The following LRRC4C variants were observed in gnomAD, a reference collection of about 807,000 sequenced individuals.
The protein encoded by LRRC4C is leucine rich repeat containing 4C, also known as leucine-rich repeat-containing protein 4C.
Under a neutral mutation model 33.6 loss-of-function variants are expected in LRRC4C, and 5 were observed. The ratio of observed to expected loss-of-function variants is 0.15; its 90% CI spans 0.08 to 0.31. The LOEUF is 0.31. Ranked by LOEUF, LRRC4C falls within the 10% of genes least tolerant of loss-of-function variation. LRRC4C has a pLI of 1.00. For missense variants in LRRC4C, 560 were observed against 796.7 expected (o/e 0.70, Z 3.58); for synonymous variants, 329 against 302.0 (o/e 1.09, Z -0.93).
intron 2 of LRRC4C, among the ~76,000 whole-genome samples, chr11:40,822,338 G>C (rs1261030419): frequency 1.3e-5 from 2 of 149,892 alleles, no homozygotes; most frequent in Non-Finnish European, 3.0e-5. Context: ...TTTGATTCTA[G>C]GTTTTTTTTT....
intron 3 of LRRC4C, among the ~76,000 whole-genome samples, chr11:40,555,261 G>A (rs184022925): frequency 2.6e-5 from 4 of 152,184 alleles, no homozygotes; most frequent in Admixed American, 2.6e-4. Flanking sequence ...CGATGTCCAG[G>A]CTGCCAGTGA....
intron 2 of LRRC4C, among the ~76,000 whole-genome samples, chr11:40,925,147 T>TCTCTC: frequency 9.3e-6 from 1 of 107,378 alleles, no homozygotes. Flanking sequence ...CTCTCTCTCT[T>TCTCTC]TCCTGTGTAT....
intron 1 of LRRC4C, among the ~76,000 whole-genome samples, chr11:41,350,642 G>T (rs184767403): frequency 6.6e-6 from 1 of 152,214 alleles, no homozygotes; most frequent in African/African-American, 2.4e-5. Context: ...AGACTGAAAT[G>T]GTTGAAATGA....
chr11:40,777,477 C>T (rs76817915), intron 2 of LRRC4C, among the ~76,000 whole-genome samples: 4,969 of 144,194 alleles, frequency 0.034, 103 homozygotes, highest in Non-Finnish European at 0.05. Flanking sequence ...TTATATAATA[C>T]CATTCTTTGT....
At chr11:40,503,304 AG>A (rs1242721483) in intron 3 of LRRC4C, among the ~76,000 whole-genome samples, 4 of 152,198 alleles carry the variant, frequency 2.6e-5, no homozygotes, top group Non-Finnish European at 5.9e-5. Flanking sequence ...CATCTAACAC[AG>A]TGTTCATGCT....
chr11:40,289,080 T>C (rs143741510), intron 4 of LRRC4C, among the ~76,000 whole-genome samples: 53 of 152,284 alleles, frequency 3.5e-4, no homozygotes, highest in Middle Eastern at 3.4e-3. Flanking sequence ...GCACTTTATA[T>C]CTAAAATAAT....
intron 2 of LRRC4C, among the ~76,000 whole-genome samples, chr11:40,815,849 A>T (rs777301922): frequency 2.6e-5 from 4 of 152,188 alleles, no homozygotes; most frequent in Non-Finnish European, 5.9e-5. Flanking sequence ...GTGCTATATG[A>T]TTATGTGTTC....
At chr11:41,075,027 T>TTTTTTTTTTTTC (rs764193977) in intron 1 of LRRC4C, among the ~76,000 whole-genome samples, 3 of 102,976 alleles carry the variant, frequency 2.9e-5, no homozygotes, top group Non-Finnish European at 5.7e-5. Context: ...TTTTTTTTTT[T>TTTTTTTTTTTTC]TTTTTTTTTA....
At chr11:40,398,863 CATT>C (rs1324215880) in intron 3 of LRRC4C, among the ~76,000 whole-genome samples, 1 of 152,190 alleles carries the variant, frequency 6.6e-6, no homozygotes, top group South Asian at 2.1e-4. Flanking sequence ...ACACTGTCAT[CATT>C]ATTATCAATG....
At chr11:40,244,733 G>GT (rs932328078) in intron 4 of LRRC4C, among the ~76,000 whole-genome samples, 45 of 148,302 alleles carry the variant, frequency 3.0e-4, no homozygotes, top group African/African-American at 5.2e-4. Flanking sequence ...TAAGGGGAAG[G>GT]TTTTTTTTTT....
chr11:41,368,744 A>T (rs964198260), intron 1 of LRRC4C, among the ~76,000 whole-genome samples: 1 of 152,216 alleles, frequency 6.6e-6, no homozygotes, highest in Non-Finnish European at 1.5e-5. Context: ...AAGGAGACTC[A>T]GTTACTTTCC....
intron 2 of LRRC4C, among the ~76,000 whole-genome samples, chr11:40,729,164 T>A (rs1228721268): frequency 6.6e-6 from 1 of 152,100 alleles, no homozygotes; most frequent in Non-Finnish European, 1.5e-5. Context: ...ATAAATAAAT[T>A]ATTGTAAAAA....
chr11:40,307,164 C>A (rs1378418099), intron 4 of LRRC4C, among the ~76,000 whole-genome samples: 1 of 151,694 alleles, frequency 6.6e-6, no homozygotes, highest in Non-Finnish European at 1.5e-5. Flanking sequence ...CACCTCCTCA[C>A]CCCCCATTAT....
intron 3 of LRRC4C, among the ~76,000 whole-genome samples, chr11:40,570,532 T>C (rs1358216981): frequency 1.3e-5 from 2 of 152,196 alleles, no homozygotes; most frequent in African/African-American, 4.8e-5. Context: ...TAATTTTCTC[T>C]TGTATCTTTA....
intron 2 of LRRC4C, among the ~76,000 whole-genome samples, chr11:40,794,293 A>G (rs138322367): frequency 7.7e-4 from 115 of 150,008 alleles, no homozygotes; most frequent in African/African-American, 2.7e-3. Context: ...GGCCATAGGC[A>G]TTTAGTGAAT....
At chr11:40,498,671 A>G (rs531305912) in intron 3 of LRRC4C, among the ~76,000 whole-genome samples, 1 of 152,314 alleles carries the variant, frequency 6.6e-6, no homozygotes, top group South Asian at 2.1e-4. Context: ...GACTCAGAAT[A>G]AATGCAAAAT....
At chr11:41,307,414 C>T (rs1277429281) in intron 1 of LRRC4C, among the ~76,000 whole-genome samples, 2 of 152,150 alleles carry the variant, frequency 1.3e-5, no homozygotes, top group African/African-American at 4.8e-5. Context: ...CCTCCCCCTG[C>T]CATCCCTGGT....
chr11:41,078,208 G>A lies in LRRC4C; in HGVS notation c.-495-144485C>T, dbSNP rs570876821. Among the ~76,000 whole-genome samples the A allele has an allele frequency of 3.7e-4, 56 of 152,196 alleles. 1 individual carries two copies. The highest frequency in any genetic ancestry group is 1.3e-3 in the African/African-American group (53 of 41,530). ...TTCCCACATCTTCCTTTCTTCTGAGGCCTCCAAGTCTCTAGAAAGTTCTAA... is the reference window on the plus strand; with the variant it reads ...TTCCCACATCTTCCTTTCTTCTGAGACCTCCAAGTCTCTAGAAAGTTCTAA... On this transcript the variant is annotated intron_variant, in intron 1 of 6. Transcript: ENST00000528697.
intron 4 of LRRC4C, among the ~76,000 whole-genome samples, chr11:40,309,681 A>G (rs1945207049): frequency 6.6e-6 from 1 of 151,854 alleles, no homozygotes; most frequent in East Asian, 1.9e-4. Context: ...AATTTTTTGT[A>G]TTTTTTGTAG....
Sources: allele counts gnomAD v4.1 joint callset (sites outside exome capture counted in the v4.1 genomes callset), GRCh38; gene constraint gnomAD v4.1.1; transcripts MANE v1.5; gene names NCBI Gene and HGNC (gene_info 2026-07-23, HGNC 2026-07-21).